Variants in ACP3 observed in about 807,000 individuals in gnomAD.
ACP3 encodes acid phosphatase 3.
A neutral mutation model predicts 45.6 loss-of-function variants in ACP3; 38 were observed. That is an observed-to-expected ratio of 0.83 (90% confidence interval 0.64 to 1.09). The LOEUF (loss-of-function observed/expected upper bound fraction) is 1.09, where lower values mean the gene tolerates loss of function less well. ACP3 is among the 50% of genes least tolerant of loss of function. The probability of loss-of-function intolerance (pLI) is 0.00; values close to 1 mark genes in which losing one functional copy is unlikely to be tolerated. For missense variants in ACP3, 466 were observed against 463.2 expected (o/e 1.01, Z -0.05); for synonymous variants, 162 against 164.7 (o/e 0.98, Z 0.13).
At chr3:132,323,292 G>A (rs1284675493) in intron 1 of ACP3, among the ~76,000 whole-genome samples, 4 of 152,070 alleles carry the variant, frequency 2.6e-5, no homozygotes, top group East Asian at 1.9e-4. Flanking sequence ...GACCCAATCC[G>A]AGATTCACCT....
intron 9 of ACP3, among the ~76,000 whole-genome samples, chr3:132,355,471 C>T (rs375201778): frequency 4.1e-5 from 6 of 146,322 alleles, no homozygotes; most frequent in Non-Finnish European, 7.6e-5. Context: ...TTATAGACAT[C>T]TTATTTTATT....
exon 11 of ACP3, chr3:132,367,724 G>T: frequency 6.2e-7 from 1 of 1,612,960 alleles, no homozygotes. Context: ...CATCTTTGCT[G>T]TTGCCTTTTG....
At chr3:132,349,583 C>G (rs773653915) in intron 7 of ACP3, among the ~76,000 whole-genome samples, 2 of 152,154 alleles carry the variant, frequency 1.3e-5, no homozygotes, top group Non-Finnish European at 2.9e-5. Context: ...CCAAGCTTAT[C>G]AGCCTCCTAA....
In ACP3 at chr3:132,356,800, C is replaced by G; in HGVS notation, c.1083C>G (p.Gly361=). The G allele has an allele frequency of 6.2e-7, 1 of 1,614,158 alleles. No individual in the cohort carries two copies. Among genetic ancestry groups the G allele is most frequent in the Non-Finnish European group, 8.5e-7 (1 of 1,180,034 alleles). ...CPLERFAELV[G]PVIPQDWSTE... ...TGGAGAGGTTTGCTGAGCTGGTTGG[C>G]CCTGTGATCCCTCAAGACTGGTCCA... The change falls in exon 10 of 10, where the codon GGC becomes GGG. Residue 361 remains glycine (G), a synonymous_variant. Coordinates refer to ENST00000336375, the MANE Select transcript of ACP3 (RefSeq NM_001099.5).
At chr3:132,353,476 A>G (rs1438517225) in intron 9 of ACP3, among the ~76,000 whole-genome samples, 1 of 152,254 alleles carries the variant, frequency 6.6e-6, no homozygotes, top group African/African-American at 2.4e-5. Context: ...AAAAATATTT[A>G]TCTGCTGTGA....
chr3:132,335,202 A>T (rs1389040750), intron 4 of ACP3, among the ~76,000 whole-genome samples: 1 of 152,230 alleles, frequency 6.6e-6, no homozygotes, highest in African/African-American at 2.4e-5. Context: ...AAAGCAATGG[A>T]CACAAAAGAA....
chr3:132,329,805 C>T lies in ACP3; in HGVS notation c.216+1443C>T, dbSNP rs145586824. 5.9e-5 allele frequency among the ~76,000 whole-genome samples: 9 copies of T among 152,040 alleles called. No homozygotes were observed. In the East Asian group the frequency reaches 1.4e-3, roughly 23 times the overall value. On this transcript the variant is annotated intron_variant, in intron 2 of 9. Coordinates refer to ENST00000336375, the MANE Select transcript of ACP3 (RefSeq NM_001099.5). ...TTCAGCAGGTCTGATGTGGGACCTG[C>T]GATTCTGCATGTCTAACATACTCCC...
Position 132,352,707 on chromosome 3 carries a change from T to G in ACP3, c.865-13T>G. ...ATCTGAACAGGCGATAAAATTGATT[T>G]CAATCTCTGTAGCATGACACTACTG... On this transcript the variant is annotated splice_polypyrimidine_tract_variant and intron_variant, in intron 8 of 9. Transcript: ENST00000336375. 1 of 1,591,748 alleles carries G rather than the reference T, an allele frequency of 6.3e-7. No homozygotes were observed. Among genetic ancestry groups the G allele is most frequent in the South Asian group, 1.1e-5 (1 of 90,572 alleles).
At chr3:132,320,016 T>C (rs1448088264) in intron 1 of ACP3, among the ~76,000 whole-genome samples, 2 of 148,008 alleles carry the variant, frequency 1.4e-5, no homozygotes, top group South Asian at 2.1e-4. Flanking sequence ...AAATGCTAGT[T>C]TGACAAGTTG....
At position 132,357,479 on chromosome 3, in the gene ACP3, T is replaced by C; in HGVS notation, c.*601T>C. The C allele has an allele frequency of 3.0e-6, 3 of 985,398 alleles. No individual in the cohort carries two copies. The highest frequency in any genetic ancestry group is 3.6e-6 in the Non-Finnish European group (3 of 829,876). The allele number at this position is 985,398 out of a possible 1,614,324, so 61.0% of individuals were successfully genotyped here. ...CTGTTTTTATATTTCTGTTAAAATA[T>C]ATGAGGCTACAGAACTAAAAATTAA... On this transcript the variant is annotated 3_prime_UTR_variant, in exon 10 of 10. Coordinates refer to ENST00000336375, the MANE Select transcript of ACP3 (RefSeq NM_001099.5).
exon 11 of ACP3, chr3:132,367,820 T>G: frequency 6.2e-7 from 1 of 1,607,268 alleles, no homozygotes; most frequent in Non-Finnish European, 8.5e-7. Flanking sequence ...TGGGAACATC[T>G]GAACAGACAG....
rs138938201 is a variant in ACP3, at chr3:132,367,586, G to T, written c.1139-118G>T. The T allele has an allele frequency of 4.0e-6, 3 of 741,572 alleles. No homozygotes were observed. In the African/African-American group the frequency reaches 5.2e-5, roughly 13 times the overall value. The allele number at this position is 741,572 out of a possible 1,614,324, so 45.9% of individuals were successfully genotyped here. ...GCACACACATAATGCTGATTTCAAG[G>T]CCTCTTTAGCAACTCCTCTGAAATT... On this transcript the variant is annotated intron_variant, in intron 10 of 10. Transcript: ENST00000351273.
chr3:132,343,895 A>T (rs994978539), intron 6 of ACP3, among the ~76,000 whole-genome samples: 5 of 152,040 alleles, frequency 3.3e-5, no homozygotes, highest in African/African-American at 1.2e-4. Flanking sequence ...CACTTCTGGG[A>T]GGCTGAGATG....
intron 10 of ACP3, chr3:132,367,643 T>G: frequency 1.0e-4 from 135 of 1,314,858 alleles, no homozygotes; most frequent in Non-Finnish European, 1.4e-4. Context: ...CACTCACATG[T>G]GATCTTCCTA....
downstream of ACP3, among the ~76,000 whole-genome samples, chr3:132,359,294 C>T (rs556050310): frequency 3.7e-3 from 558 of 152,260 alleles, 1 homozygote; most frequent in Non-Finnish European, 5.9e-3. Context: ...GGGCGGATCA[C>T]AAGGTCAGGA....
At position 132,353,073 on chromosome 3, in the gene ACP3, A is replaced by T. The variant is rs192450709; in HGVS notation, c.968+250A>T. ...CCTATGTAACAGAAATTACATTTTT[A>T]AAAAAATTAAGGTATTCTAAGAAGT... is the stretch of plus-strand genomic sequence containing the variant. On this transcript the variant is annotated intron_variant, in intron 9 of 9. Coordinates refer to ENST00000336375, the MANE Select transcript of ACP3 (RefSeq NM_001099.5). Among the ~76,000 whole-genome samples the T allele has an allele frequency of 2.4e-3, 367 of 152,304 alleles. 2 individuals carry two copies. The highest frequency in any genetic ancestry group is 8.2e-3 in the African/African-American group (342 of 41,554).
Position 132,358,229 on chromosome 3 carries a change from C to CA in ACP3, c.*1358dup. 2 of 1,113,116 alleles carry CA rather than the reference C, an allele frequency of 1.8e-6. No individual in the cohort carries two copies. The highest frequency in any genetic ancestry group is 2.2e-6 in the Non-Finnish European group (2 of 899,686). The allele number at this position is 1,113,116 out of a possible 1,614,324, so 69.0% of individuals were successfully genotyped here. ...CAACATAGTGAGACACTGTCTCTAC[C>CA]AAAAAAAGGAAGGAAGGGACACATA... is the stretch of plus-strand genomic sequence containing the variant. On this transcript the variant is annotated 3_prime_UTR_variant, in exon 10 of 10. Coordinates refer to ENST00000336375, the MANE Select transcript of ACP3 (RefSeq NM_001099.5).
chr3:132,352,300 C>G (rs959515700), intron 8 of ACP3, among the ~76,000 whole-genome samples: 1 of 151,712 alleles, frequency 6.6e-6, no homozygotes, highest in African/African-American at 2.4e-5. Flanking sequence ...CGGGTTCAAG[C>G]GATTCTCCTG....
At chr3:132,323,636 A>G (rs533409542) in intron 1 of ACP3, among the ~76,000 whole-genome samples, 19 of 152,302 alleles carry the variant, frequency 1.2e-4, no homozygotes, top group African/African-American at 4.6e-4. Flanking sequence ...CATTCAAAGC[A>G]GACAGGACAT....
Sources: allele counts gnomAD v4.1 joint callset (sites outside exome capture counted in the v4.1 genomes callset), GRCh38; gene constraint gnomAD v4.1.1; transcripts MANE v1.5; gene names NCBI Gene and HGNC (gene_info 2026-07-23, HGNC 2026-07-21).